REV1: variants seen among roughly 807,000 people sequenced by gnomAD.
REV1 encodes translesion synthesis protein REV1.
A neutral mutation model predicts 137.4 loss-of-function variants in REV1; 42 were observed. The observed-to-expected ratio is 0.31, with a 90% confidence interval of 0.24 to 0.40. The LOEUF is 0.40. Ranked by LOEUF, REV1 falls within the 10% of genes least tolerant of loss-of-function variation. The pLI is 1.00. For synonymous variants in REV1, 524 were observed against 519.2 expected, an observed-to-expected ratio of 1.01 and a Z score of -0.12; for missense variants, 1,282 against 1,490.1, an observed-to-expected ratio of 0.86 and a Z score of 2.30.
intron 14 of REV1, chr2:99,408,347 G>T (rs28382958): frequency 1.4e-5 from 5 of 362,614 alleles, no homozygotes; most frequent in Non-Finnish European, 1.5e-5. Context: ...TGGAACACTA[G>T]AACTTTAAGG....
rs563589211 is a variant in REV1 at position 99,469,978 on chromosome 2, G to A, written c.-10-4993C>T. On this transcript the variant is annotated intron_variant, in intron 1 of 22. Coordinates refer to ENST00000258428, the MANE Select transcript of REV1 (RefSeq NM_016316.4). ...CTACTAAAAATACAAAAAATTAGCC[G>A]GGCATGGTGGCGGTCACCTGTAGTC... Among the ~76,000 whole-genome samples the A allele has an allele frequency of 7.8e-4, 119 of 152,036 alleles. 1 individual carries two copies. The highest frequency in any genetic ancestry group is 1.3e-3 in the Non-Finnish European group (89 of 67,984).
chr2:99,457,936 AT>A (rs1290321134), intron 3 of REV1, among the ~76,000 whole-genome samples: 2 of 147,514 alleles, frequency 1.4e-5, no homozygotes, highest in African/African-American at 4.9e-5. Flanking sequence ...AAATCCACAA[AT>A]AAAAAAAAAA....
chr2:99,475,554 G>A (rs1169458545), intron 1 of REV1, among the ~76,000 whole-genome samples: 1 of 152,142 alleles, frequency 6.6e-6, no homozygotes, highest in Non-Finnish European at 1.5e-5. Flanking sequence ...TTACAGACCT[G>A]ACAAATTCTA....
intron 1 of REV1, among the ~76,000 whole-genome samples, chr2:99,488,712 A>C (rs934960541): frequency 6.6e-6 from 1 of 152,218 alleles, no homozygotes; most frequent in African/African-American, 2.4e-5. Flanking sequence ...TGGTTCCCAC[A>C]GGCTGATTTG....
intron 4 of REV1, 33 bp from the exon 5 acceptor site, chr2:99,442,502 C>T (rs377543918): frequency 1.2e-6 from 2 of 1,603,856 alleles, no homozygotes; most frequent in African/African-American, 1.3e-5. Context: ...TTTAGAGTTC[C>T]ATACTTGGTG....
At position 99,404,588 on chromosome 2, in the gene REV1, G is replaced by A. The variant is rs534616400; in HGVS notation, c.2901C>T (p.Gly967=). The change falls in exon 18 of 23, where the codon GGC becomes GGT. Residue 967 remains glycine, a synonymous_variant. Coordinates refer to ENST00000258428, the MANE Select transcript of REV1 (RefSeq NM_016316.4). ...VCAVQQAESH[G]DKKKEPVNGC... is the part of the protein sequence containing the mutation. ...CATTTACTGGTTCTTTCTTTTTGTC[G>A]CCATGTGACTCTGCTTGCTGGACAG... 2.2e-5 allele frequency: 35 copies of A among 1,613,730 alleles called. No individual in the cohort carries two copies. The highest frequency in any genetic ancestry group is 1.2e-4 in the African/African-American group (9 of 74,978).
At chr2:99,467,730 T>C (rs1052279773) in intron 1 of REV1, among the ~76,000 whole-genome samples, 1 of 152,236 alleles carries the variant, frequency 6.6e-6, no homozygotes. Context: ...GTATTCATTA[T>C]TTCAATCTCT....
intron 9 of REV1, chr2:99,424,721 T>G (rs954893236): frequency 1.6e-6 from 2 of 1,276,590 alleles, no homozygotes; most frequent in Non-Finnish European, 2.1e-6. Context: ...ACAAAAGAAC[T>G]ACACAAAACA....
At chr2:99,486,338 G>A (rs1159269582) in intron 1 of REV1, among the ~76,000 whole-genome samples, 2 of 152,050 alleles carry the variant, frequency 1.3e-5, no homozygotes, top group Non-Finnish European at 2.9e-5. Context: ...CACCATCCTG[G>A]ATAACACGGT....
chr2:99,458,361 C>T (rs1272365418), intron 3 of REV1, among the ~76,000 whole-genome samples: 3 of 152,114 alleles, frequency 2.0e-5, no homozygotes, highest in African/African-American at 7.2e-5. Context: ...TTATTAGCCA[C>T]GAGGCAAATG....
chr2:99,407,923 A>G lies in REV1; in HGVS notation c.2448+106T>C, dbSNP rs1676568377. On this transcript the variant is annotated intron_variant, in intron 15 of 22. Coordinates refer to ENST00000258428, the MANE Select transcript of REV1 (RefSeq NM_016316.4). ...TGTATTACAAAGCAGCTAAAGACCT[A>G]CATATAAAGTCCCTATACACCAGCA... 3 of 543,108 alleles carry G rather than the reference A, an allele frequency of 5.5e-6. No homozygotes were observed. The Admixed American group carries it at 1.0e-4, about 18-fold the overall frequency. 33.6% of individuals were successfully genotyped at this position (543,108 alleles called of 1,614,324 possible). A position where few individuals can be genotyped will look rare whatever the true frequency, so the allele number is the denominator to read the frequency against.
At chr2:99,434,790 A>T (rs1680529144) in intron 7 of REV1, among the ~76,000 whole-genome samples, 1 of 152,160 alleles carries the variant, frequency 6.6e-6, no homozygotes, top group Non-Finnish European at 1.5e-5. Flanking sequence ...AGTAGTGGGG[A>T]AAGAAAAACT....
At chr2:99,422,426 T>C (rs1283706010) in intron 10 of REV1, among the ~76,000 whole-genome samples, 2 of 152,202 alleles carry the variant, frequency 1.3e-5, no homozygotes, top group Non-Finnish European at 2.9e-5. Flanking sequence ...ATGTCTTTCA[T>C]AATCCACTTG....
intron 1 of REV1, among the ~76,000 whole-genome samples, chr2:99,467,769 G>C (rs1684970574): frequency 6.6e-6 from 1 of 152,246 alleles, no homozygotes; most frequent in Non-Finnish European, 1.5e-5. Context: ...TCGTGGGCCA[G>C]GCGTGGTGGC....
intron 18 of REV1, 120 bp downstream of exon 18, chr2:99,404,324 C>T: frequency 1.3e-6 from 1 of 746,052 alleles, no homozygotes; most frequent in Non-Finnish European, 2.2e-6. Flanking sequence ...CCCTCCCCTC[C>T]CCTCCCCAGT....
chr2:99,419,109 T>C (rs1575030472), intron 11 of REV1, among the ~76,000 whole-genome samples, 162 bp from the exon 12 acceptor site: 1 of 152,018 alleles, frequency 6.6e-6, no homozygotes, highest in African/African-American at 2.4e-5. Flanking sequence ...ATTTAGATTA[T>C]AACCAACAGA....
chr2:99,429,968 T>A lies in REV1; in HGVS notation c.1439-20A>T, dbSNP rs565143481. 41 of 1,422,410 alleles carry A rather than the reference T, an allele frequency of 2.9e-5. No homozygotes were observed. The highest frequency in any genetic ancestry group is 7.7e-5 in the South Asian group (6 of 77,936). 88.1% of individuals were successfully genotyped at this position (1,422,410 alleles called of 1,614,324 possible). On this transcript the variant is annotated intron_variant, in intron 8 of 22. Coordinates refer to ENST00000258428, the MANE Select transcript of REV1 (RefSeq NM_016316.4). ...TATCTGCTTTAAAAATAAAAAAAAA[T>A]TAATGGTTATATGTTATAAACTGAT... is the stretch of plus-strand genomic sequence containing the variant.
intron 9 of REV1, 100 bp downstream of exon 9, chr2:99,429,739 TA>T: frequency 1.6e-6 from 1 of 611,458 alleles, no homozygotes; most frequent in Non-Finnish European, 2.4e-6. Context: ...AACACGTCTG[TA>T]ACATTTAAAT....
At chr2:99,466,931 G>C (rs1429784847) in intron 1 of REV1, among the ~76,000 whole-genome samples, 1 of 152,180 alleles carries the variant, frequency 6.6e-6, no homozygotes, top group Non-Finnish European at 1.5e-5. Context: ...AGCCCTTAAA[G>C]GAAATCTGGG....
Sources: allele counts gnomAD v4.1 joint callset (sites outside exome capture counted in the v4.1 genomes callset), GRCh38; gene constraint gnomAD v4.1.1; transcripts MANE v1.5; gene names NCBI Gene and HGNC (gene_info 2026-07-23, HGNC 2026-07-21).